The following LYPLAL1 variants were observed in gnomAD, a reference collection of about 807,000 sequenced individuals.
The protein encoded by LYPLAL1 is lysophospholipase-like protein 1.
In LYPLAL1, 23 loss-of-function variants were observed where a neutral mutation model predicts 19.7. The observed-to-expected ratio is 1.17, with a 90% confidence interval of 0.84 to 1.65. The LOEUF (loss-of-function observed/expected upper bound fraction) is 1.65. LYPLAL1 is among the 40% of genes most tolerant of loss of function. The pLI, the probability that LYPLAL1 is intolerant of heterozygous loss-of-function variation, is 0.00. For synonymous variants in LYPLAL1, 119 were observed against 96.3 expected (o/e 1.24, Z -1.38); for missense variants, 355 against 279.4 (o/e 1.27, Z -1.93).
At chr1:219,352,832 G>T in the LYPLAL1 span, among the ~76,000 whole-genome samples, 2 of 152,094 alleles carry the variant, frequency 1.3e-5, no homozygotes, top group Non-Finnish European at 2.9e-5. Flanking sequence ...GGTTTTTCTG[G>T]TCCTAGTTAG....
At chr1:219,227,297 C>G in the LYPLAL1 span, among the ~76,000 whole-genome samples, 1 of 152,164 alleles carries the variant, frequency 6.6e-6, no homozygotes, top group South Asian at 2.1e-4. Flanking sequence ...ATTGTCTTTA[C>G]TGACTTCCCA....
the LYPLAL1 span, among the ~76,000 whole-genome samples, chr1:219,382,865 TG>T: frequency 6.7e-5 from 10 of 149,344 alleles, no homozygotes; most frequent in East Asian, 3.9e-4. Flanking sequence ...AGTTTTGTTT[TG>T]TTTTTTTTTT....
the LYPLAL1 span, among the ~76,000 whole-genome samples, chr1:219,244,930 A>G: frequency 6.7e-6 from 1 of 149,748 alleles, no homozygotes; most frequent in African/African-American, 2.5e-5. Context: ...AAAAAAAACA[A>G]AAAACACTTG....
At chr1:219,250,122 G>A in the LYPLAL1 span, among the ~76,000 whole-genome samples, 1 of 152,090 alleles carries the variant, frequency 6.6e-6, no homozygotes, top group African/African-American at 2.4e-5. Flanking sequence ...AAGTCACAAA[G>A]TTATTCTTCT....
chr1:219,231,819 T>C, the LYPLAL1 span, among the ~76,000 whole-genome samples: 1 of 152,172 alleles, frequency 6.6e-6, no homozygotes, highest in African/African-American at 2.4e-5. Context: ...TATAGACAAC[T>C]CTATATATGT....
chr1:219,237,075 CTGAG>C, the LYPLAL1 span, among the ~76,000 whole-genome samples: 1 of 152,116 alleles, frequency 6.6e-6, no homozygotes, highest in Non-Finnish European at 1.5e-5. Context: ...AAATTTCCCA[CTGAG>C]TATTTTGACA....
At chr1:219,243,859 C>T in the LYPLAL1 span, among the ~76,000 whole-genome samples, 1 of 145,900 alleles carries the variant, frequency 6.9e-6, no homozygotes, top group Non-Finnish European at 1.5e-5. Flanking sequence ...GCAGAGGTTA[C>T]AGAGAGCCTA....
the LYPLAL1 span, among the ~76,000 whole-genome samples, chr1:219,429,997 C>T: frequency 6.6e-6 from 1 of 152,058 alleles, no homozygotes; most frequent in Non-Finnish European, 1.5e-5. Context: ...TATCTTTAGT[C>T]AGTGCTCTTG....
chr1:219,333,491 C>G, the LYPLAL1 span, among the ~76,000 whole-genome samples: 391 of 152,126 alleles, frequency 2.6e-3, 2 homozygotes, highest in African/African-American at 8.1e-3. Context: ...TTCTGTGTCA[C>G]CAATGCTCCC....
At chr1:219,399,055 G>A in the LYPLAL1 span, among the ~76,000 whole-genome samples, 15 of 152,370 alleles carry the variant, frequency 9.8e-5, no homozygotes, top group Admixed American at 3.9e-4. Context: ...AGCAGTAGCA[G>A]TGCAGGGAGG....
chr1:219,273,932 T>G, the LYPLAL1 span, among the ~76,000 whole-genome samples: 1 of 152,092 alleles, frequency 6.6e-6, no homozygotes. Context: ...GGCTAATTTT[T>G]TATATGTTTA....
chr1:219,220,965 C>T, the LYPLAL1 span, among the ~76,000 whole-genome samples: 2 of 152,164 alleles, frequency 1.3e-5, no homozygotes, highest in Non-Finnish European at 2.9e-5. Flanking sequence ...TAGGAGACGT[C>T]ACAGGGCAGA....
chr1:219,174,577 C>T (rs1282366438), intron 1 of LYPLAL1, among the ~76,000 whole-genome samples: 2 of 152,146 alleles, frequency 1.3e-5, no homozygotes, highest in South Asian at 2.1e-4. Context: ...AGATAGACTA[C>T]AGGGGCAGGA....
chr1:219,218,504 CTT>C, the LYPLAL1 span, among the ~76,000 whole-genome samples: 1 of 147,056 alleles, frequency 6.8e-6, no homozygotes. Flanking sequence ...CTTTTTTTGC[CTT>C]TTTTTTTTTA....
At chr1:219,197,695 A>G (rs1351995833) in intron 3 of LYPLAL1, among the ~76,000 whole-genome samples, 2 of 152,196 alleles carry the variant, frequency 1.3e-5, no homozygotes, top group South Asian at 4.1e-4. Flanking sequence ...CAGACAGCCT[A>G]CAGAATGGGA....
At chr1:219,224,147 C>T in the LYPLAL1 span, among the ~76,000 whole-genome samples, 1 of 152,012 alleles carries the variant, frequency 6.6e-6, no homozygotes, top group African/African-American at 2.4e-5. Context: ...GAAGTCTTTC[C>T]TTTGGGCATT....
the LYPLAL1 span, among the ~76,000 whole-genome samples, chr1:219,301,524 T>C: frequency 6.6e-6 from 1 of 152,208 alleles, no homozygotes; most frequent in African/African-American, 2.4e-5. Flanking sequence ...TTGTAAAATA[T>C]TTTTCAATAA....
the LYPLAL1 span, among the ~76,000 whole-genome samples, chr1:219,259,108 A>T: frequency 1.3e-5 from 2 of 152,066 alleles, no homozygotes; most frequent in Non-Finnish European, 2.9e-5. Flanking sequence ...AAAAAATAAA[A>T]AAAAATAGGT....
intron 1 of LYPLAL1, among the ~76,000 whole-genome samples, chr1:219,177,350 CT>C (rs1655901239): frequency 1.3e-5 from 2 of 152,156 alleles, no homozygotes; most frequent in Non-Finnish European, 2.9e-5. Context: ...ATAGTTTTCC[CT>C]TCTCTCTCTT....
Sources: allele counts gnomAD v4.1 joint callset (sites outside exome capture counted in the v4.1 genomes callset), GRCh38; gene constraint gnomAD v4.1.1; transcripts MANE v1.5; gene names NCBI Gene and HGNC (gene_info 2026-07-23, HGNC 2026-07-21).